Variants in EVI5 observed in about 807,000 individuals in gnomAD.
EVI5 encodes the protein ecotropic viral integration site 5.
Under a neutral mutation model 112.0 loss-of-function variants are expected in EVI5, and 73 were observed. The observed-to-expected ratio is 0.65, with a 90% CI of 0.54 to 0.79. The LOEUF is 0.79. EVI5 is among the 30% of genes least tolerant of loss of function. EVI5 has a pLI of 0.00. For synonymous variants in EVI5, 305 were observed against 319.9 expected, an observed-to-expected ratio of 0.95 and a Z score of 0.50; for missense variants, 900 against 968.8, an observed-to-expected ratio of 0.93 and a Z score of 0.94.
At chr1:92,721,459 T>C (rs988873789) in intron 2 of EVI5, among the ~76,000 whole-genome samples, 5 of 152,066 alleles carry the variant, frequency 3.3e-5, no homozygotes, top group African/African-American at 4.8e-5. Context: ...TTCTCACTCA[T>C]AGGTGGGAAT....
chr1:92,628,297 G>C (rs938420646), intron 14 of EVI5, among the ~76,000 whole-genome samples: 1 of 152,204 alleles, frequency 6.6e-6, no homozygotes, highest in Admixed American at 6.5e-5. Context: ...TCTGCTGACT[G>C]TTCCTTTCTC....
intron 1 of EVI5, among the ~76,000 whole-genome samples, chr1:92,765,200 C>T (rs1250133249): frequency 1.4e-5 from 2 of 143,744 alleles, no homozygotes; most frequent in African/African-American, 5.1e-5. Context: ...GAGGTTTCTG[C>T]ATTTTTTTTC....
At chr1:92,608,011 C>G (rs1186382618) in intron 16 of EVI5, among the ~76,000 whole-genome samples, 1 of 151,582 alleles carries the variant, frequency 6.6e-6, no homozygotes, top group African/African-American at 2.4e-5. Context: ...ATTAGCCAGG[C>G]ATGGTGGCGG....
At chr1:92,783,471 G>T (rs1229182184) in intron 1 of EVI5, among the ~76,000 whole-genome samples, 2 of 122,132 alleles carry the variant, frequency 1.6e-5, no homozygotes, top group African/African-American at 6.4e-5. Flanking sequence ...GCAACAGAGT[G>T]AGACTCAGCC....
chr1:92,575,345 C>A lies in EVI5; in HGVS notation c.2071-11608G>T, dbSNP rs896846746. 5.9e-5 allele frequency among the ~76,000 whole-genome samples: 9 copies of A among 152,146 alleles called. No individual in the cohort carries two copies. The East Asian group carries it at 1.7e-3, about 29-fold the overall frequency. On this transcript the variant is annotated intron_variant, in intron 18 of 19. Transcript: ENST00000684568. Reference sequence around the variant, plus strand: ...TACTACCGTATATTTCATCATGCATCCTCTAAGAATAAAGAACTGCCCTAT... The same window carrying A: ...TACTACCGTATATTTCATCATGCATACTCTAAGAATAAAGAACTGCCCTAT...
chr1:92,692,834 T>C (rs1380226261), intron 9 of EVI5, among the ~76,000 whole-genome samples: 1 of 152,218 alleles, frequency 6.6e-6, no homozygotes, highest in East Asian at 1.9e-4. Context: ...TAGCATACAG[T>C]ACTGTTATCA....
At chr1:92,744,151 A>G (rs1678883254) in intron 1 of EVI5, among the ~76,000 whole-genome samples, 1 of 152,198 alleles carries the variant, frequency 6.6e-6, no homozygotes, top group Admixed American at 6.5e-5. Flanking sequence ...CAAGTTGTAT[A>G]GATAATTGTT....
chr1:92,764,483 C>T (rs1682327680), intron 1 of EVI5, among the ~76,000 whole-genome samples: 1 of 152,080 alleles, frequency 6.6e-6, no homozygotes. Flanking sequence ...CTCCCTGGTC[C>T]AATGTAACGA....
Position 92,567,049 on chromosome 1 carries a change from C to T in EVI5, c.2071-3312G>A, listed in dbSNP as rs141943437. On this transcript the variant is annotated intron_variant, in intron 18 of 19. Coordinates refer to ENST00000684568, the MANE Select transcript of EVI5 (RefSeq NM_001350197.2). ...CTTGAACTCCTGGCCTCAAGTGTTC[C>T]GCCCACCCGCCTTGGCCTCCCAAAG... is the stretch of plus-strand genomic sequence containing the variant. 1.2e-3 allele frequency among the ~76,000 whole-genome samples: 185 copies of T among 152,032 alleles called. 1 individual carries two copies. The highest frequency in any genetic ancestry group is 3.7e-3 in the African/African-American group (152 of 41,484).
chr1:92,542,736 C>T (rs1180932181), intron 19 of EVI5, among the ~76,000 whole-genome samples: 7 of 152,146 alleles, frequency 4.6e-5, no homozygotes, highest in South Asian at 2.1e-4. Flanking sequence ...CCTTGATCCA[C>T]GGGCTGCAGA....
At position 92,791,515 on chromosome 1, in the gene EVI5, A is replaced by C. The variant is rs1191080137; in HGVS notation, c.51+829T>G. On this transcript the variant is annotated intron_variant, in intron 1 of 17. Transcript: ENST00000370331. Reference sequence around the variant, plus strand: ...CCAAAGCCACAAAACACCAATGTGCAAAAACAAAAAGACAAATAAAAAAGA... The same window carrying C: ...CCAAAGCCACAAAACACCAATGTGCCAAAACAAAAAGACAAATAAAAAAGA... Among the ~76,000 whole-genome samples, 5 of 152,228 alleles carry C rather than the reference A, an allele frequency of 3.3e-5. No individual in the cohort carries two copies. The East Asian group carries it at 9.6e-4, about 29-fold the overall frequency.
chr1:92,530,213 A>G (rs994475470), intron 19 of EVI5, among the ~76,000 whole-genome samples: 3 of 152,206 alleles, frequency 2.0e-5, no homozygotes, highest in Admixed American at 6.5e-5. Flanking sequence ...TAGCAAGGCC[A>G]CTGAGGCCAG....
At chr1:92,697,131 A>G (rs1670451825) in intron 6 of EVI5, among the ~76,000 whole-genome samples, 1 of 152,190 alleles carries the variant, frequency 6.6e-6, no homozygotes, top group Admixed American at 6.5e-5. Flanking sequence ...ACTGGAGTTT[A>G]TAAGGCTGCC....
intron 1 of EVI5, among the ~76,000 whole-genome samples, chr1:92,767,423 T>C (rs1682804060): frequency 6.6e-6 from 1 of 152,206 alleles, no homozygotes; most frequent in African/African-American, 2.4e-5. Flanking sequence ...TTTGGTCCCA[T>C]CCACAGTTTC....
At chr1:92,527,685 T>C (rs972556741) in intron 19 of EVI5, among the ~76,000 whole-genome samples, 2 of 152,302 alleles carry the variant, frequency 1.3e-5, no homozygotes, top group Non-Finnish European at 2.9e-5. Context: ...ATATCTACCA[T>C]CACACAATAG....
At chr1:92,558,271 C>T (rs929123402) in intron 19 of EVI5, among the ~76,000 whole-genome samples, 13 of 152,134 alleles carry the variant, frequency 8.5e-5, no homozygotes, top group African/African-American at 2.4e-4. Context: ...TATATATGAA[C>T]GCCATTCACA....
intron 4 of EVI5, among the ~76,000 whole-genome samples, chr1:92,702,561 T>C (rs577305146): frequency 4.9e-4 from 74 of 152,048 alleles, no homozygotes; most frequent in African/African-American, 1.7e-3. Flanking sequence ...ATCCCAGCAC[T>C]TTGGGAGGCA....
chr1:92,567,499 G>A (rs1321150657), intron 18 of EVI5, among the ~76,000 whole-genome samples: 1 of 152,024 alleles, frequency 6.6e-6, no homozygotes, highest in Non-Finnish European at 1.5e-5. Flanking sequence ...TATTTTTACT[G>A]TACCTCTTCT....
chr1:92,552,178 C>T (rs1461738793), intron 19 of EVI5, among the ~76,000 whole-genome samples: 1 of 147,866 alleles, frequency 6.8e-6, no homozygotes, highest in South Asian at 2.1e-4. Context: ...TTCCCACTGG[C>T]CAAATTTGGG....
Sources: allele counts gnomAD v4.1 joint callset (sites outside exome capture counted in the v4.1 genomes callset), GRCh38; gene constraint gnomAD v4.1.1; transcripts MANE v1.5; gene names NCBI Gene and HGNC (gene_info 2026-07-23, HGNC 2026-07-21).